The following HTR1F variants were observed in gnomAD, a reference collection of about 807,000 sequenced individuals.
HTR1F encodes 5-hydroxytryptamine receptor 1F.
HTR1F carries 17 observed loss-of-function variants against 24.0 expected under a neutral mutation model. The ratio of observed to expected loss-of-function variants is 0.71; its 90% confidence interval spans 0.48 to 1.06. The LOEUF (loss-of-function observed/expected upper bound fraction) is 1.06. Among genes scored for constraint, HTR1F ranks in the 50% least tolerant of loss-of-function variants. The pLI is 0.00. For missense variants in HTR1F, 391 were observed against 427.8 expected, an observed-to-expected ratio of 0.91 and a Z score of 0.76; for synonymous variants, 186 against 156.8, an observed-to-expected ratio of 1.19 and a Z score of -1.39.
chr3:87,918,219 G>A (rs565353655), intron 2 of HTR1F, among the ~76,000 whole-genome samples: 154 of 151,752 alleles, frequency 1.0e-3, no homozygotes, highest in African/African-American at 3.5e-3. Context: ...AGGGACATAC[G>A]TCAATATAAT....
At chr3:87,967,227 A>G (rs1420047876) in intron 2 of HTR1F, among the ~76,000 whole-genome samples, 1 of 152,174 alleles carries the variant, frequency 6.6e-6, no homozygotes, top group Admixed American at 6.5e-5. Context: ...AGGTGGGCAG[A>G]TCACTTGAGG....
At chr3:87,958,148 T>C (rs558508039) in intron 2 of HTR1F, among the ~76,000 whole-genome samples, 2 of 151,776 alleles carry the variant, frequency 1.3e-5, no homozygotes, top group East Asian at 3.9e-4. Flanking sequence ...ATTATTTAGA[T>C]GTATGCTGTT....
In HTR1F at chr3:87,933,409, A is replaced by C. The variant is rs1000343027; in HGVS notation, c.-42-57299A>C. On this transcript the variant is annotated intron_variant, in intron 2 of 2. Transcript: ENST00000319595. ...TATTCAATTAGGAAAAGAGGAAGTC[A>C]AATCGTCCCTCTTTGCAGACGACAT... Among the ~76,000 whole-genome samples, 35 of 152,322 alleles carry C rather than the reference A, an allele frequency of 2.3e-4. 1 individual carries two copies. The highest frequency in any genetic ancestry group is 6.0e-4 in the African/African-American group (25 of 41,574).
chr3:87,878,197 C>A (rs1705712493), intron 2 of HTR1F, among the ~76,000 whole-genome samples: 1 of 152,070 alleles, frequency 6.6e-6, no homozygotes, highest in South Asian at 2.1e-4. Context: ...TGAAAAAGTT[C>A]AGCTGAAACA....
At chr3:87,964,590 AT>A (rs1206557412) in intron 2 of HTR1F, among the ~76,000 whole-genome samples, 1 of 152,118 alleles carries the variant, frequency 6.6e-6, no homozygotes, top group Non-Finnish European at 1.5e-5. Flanking sequence ...TAACTGCTGT[AT>A]GAAGCCAGGC....
intron 2 of HTR1F, among the ~76,000 whole-genome samples, chr3:87,913,277 G>T (rs528447819): frequency 6.6e-6 from 1 of 151,936 alleles, no homozygotes; most frequent in Non-Finnish European, 1.5e-5. Flanking sequence ...AGGACAAAGG[G>T]CATGAACAGA....
intron 2 of HTR1F, among the ~76,000 whole-genome samples, chr3:87,903,994 G>T (rs1703594120): frequency 6.6e-6 from 1 of 152,088 alleles, no homozygotes; most frequent in African/African-American, 2.4e-5. Flanking sequence ...TGAAACGCTT[G>T]TATCCAGAAT....
At chr3:87,798,706 A>G (rs1025286813) in intron 1 of HTR1F, among the ~76,000 whole-genome samples, 16 of 152,124 alleles carry the variant, frequency 1.1e-4, no homozygotes, top group Middle Eastern at 3.2e-3. Context: ...TACTTTGGCA[A>G]TAGTCACTAT....
At chr3:87,866,704 T>C (rs1353330289) in intron 2 of HTR1F, among the ~76,000 whole-genome samples, 1 of 151,974 alleles carries the variant, frequency 6.6e-6, no homozygotes, top group Non-Finnish European at 1.5e-5. Flanking sequence ...AAATTGGATG[T>C]TTGTTTTCTT....
At chr3:87,815,663 G>T (rs985932277) in intron 1 of HTR1F, among the ~76,000 whole-genome samples, 1 of 152,088 alleles carries the variant, frequency 6.6e-6, no homozygotes, top group Non-Finnish European at 1.5e-5. Context: ...GAAGTAACAT[G>T]ATGGAAAGTG....
chr3:87,828,025 T>A (rs1704500530), intron 2 of HTR1F, among the ~76,000 whole-genome samples: 1 of 152,226 alleles, frequency 6.6e-6, no homozygotes, highest in Admixed American at 6.5e-5. Flanking sequence ...CTATGGTAGA[T>A]CTACACTAGG....
intron 2 of HTR1F, among the ~76,000 whole-genome samples, chr3:87,836,162 G>A (rs1189716471): frequency 1.3e-5 from 2 of 152,110 alleles, no homozygotes; most frequent in Non-Finnish European, 2.9e-5. Flanking sequence ...TTCCTTCAGG[G>A]AATATTTGTG....
At chr3:87,879,179 C>T (rs1253504725) in intron 2 of HTR1F, among the ~76,000 whole-genome samples, 3 of 152,036 alleles carry the variant, frequency 2.0e-5, no homozygotes, top group African/African-American at 4.8e-5. Context: ...AACATAATCT[C>T]CAATCTAAGT....
intron 2 of HTR1F, among the ~76,000 whole-genome samples, chr3:87,852,771 T>G (rs1408057752): frequency 1.3e-5 from 2 of 151,786 alleles, no homozygotes; most frequent in Non-Finnish European, 2.9e-5. Context: ...ACTTGGCTAT[T>G]CTTAGACATC....
chr3:87,842,445 AGCC>A (rs1159130286), intron 2 of HTR1F, among the ~76,000 whole-genome samples: 6 of 151,964 alleles, frequency 3.9e-5, no homozygotes, highest in African/African-American at 1.5e-4. Flanking sequence ...TACAGGTGTG[AGCC>A]ACCGCACCCG....
Position 87,982,334 on chromosome 3 carries a change from C to G in HTR1F, c.-42-8374C>G, listed in dbSNP as rs577648590. On this transcript the variant is annotated intron_variant, in intron 2 of 2. Coordinates refer to ENST00000319595, the MANE Select transcript of HTR1F (RefSeq NM_001322209.2). The stretch of plus-strand genomic sequence containing the variant: ...AATCTTAAGGGTGTTGCCCCACAGC[C>G]CTAATAGTCTAAGAATAGTCTGAAA... Among the ~76,000 whole-genome samples, 10 of 152,138 alleles carry G rather than the reference C, an allele frequency of 6.6e-5. No homozygotes were observed. The South Asian group carries it at 1.7e-3, about 25-fold the overall frequency.
intron 1 of HTR1F, among the ~76,000 whole-genome samples, chr3:87,820,531 A>G (rs1704339823): frequency 6.6e-6 from 1 of 152,206 alleles, no homozygotes; most frequent in Non-Finnish European, 1.5e-5. Flanking sequence ...GTCAAGAAAT[A>G]TGAAACAGGA....
intron 2 of HTR1F, among the ~76,000 whole-genome samples, chr3:87,914,660 ACCC>A (rs1703852904): frequency 6.6e-6 from 1 of 151,464 alleles, no homozygotes; most frequent in Non-Finnish European, 1.5e-5. Flanking sequence ...CGGGAACCTC[ACCC>A]CCATCCTCCA....
intron 2 of HTR1F, among the ~76,000 whole-genome samples, chr3:87,923,422 A>G (rs1587727): frequency 4.0e-5 from 6 of 151,862 alleles, no homozygotes; most frequent in African/African-American, 1.4e-4. Flanking sequence ...AATTTCTTTC[A>G]TCAGTGTTTC....
Sources: gnomAD v4.1 joint callset for allele counts (sites outside exome capture counted in the v4.1 genomes callset) on GRCh38, gnomAD v4.1.1 for gene constraint, MANE v1.5 for transcripts, NCBI Gene and HGNC (gene_info 2026-07-23, HGNC 2026-07-21) for gene names.